RAB12: variants seen among roughly 807,000 people sequenced by gnomAD.
The protein encoded by RAB12 is ras-related protein Rab-12.
A neutral mutation model predicts 28.4 loss-of-function variants in RAB12; 11 were observed. That is an observed-to-expected ratio of 0.39 (90% CI 0.24 to 0.64). RAB12 has a LOEUF of 0.64. Ranked by LOEUF, RAB12 falls within the 30% of genes least tolerant of loss-of-function variation. The probability of loss-of-function intolerance (pLI) is 0.50; values close to 1 mark genes in which losing one functional copy is unlikely to be tolerated. For synonymous variants in RAB12, 138 were observed against 145.3 expected, an observed-to-expected ratio of 0.95 and a Z score of 0.36; for missense variants, 276 against 351.1, an observed-to-expected ratio of 0.79 and a Z score of 1.71.
intron 5 of RAB12, among the ~76,000 whole-genome samples, chr18:8,637,072 T>C (rs1489535436): frequency 6.6e-6 from 1 of 152,032 alleles, no homozygotes; most frequent in Non-Finnish European, 1.5e-5. Context: ...AAGACCAGAC[T>C]GGGCAACACA....
chr18:8,639,310 T>A lies in RAB12; in HGVS notation c.*1048T>A, dbSNP rs1453879101. 2 of 152,152 alleles carry A rather than the reference T, an allele frequency of 1.3e-5. No homozygotes were observed. The allele number at this position is 152,152 out of a possible 1,614,324, so 9.4% of individuals were successfully genotyped here. On this transcript the variant is annotated 3_prime_UTR_variant, in exon 6 of 6. Transcript: ENST00000649141. ...TTTGAATAACTTGGTGTGTCTTGAG[T>A]GTTGTGGTATGAAAAGCATTGTGGT...
chr18:8,621,319 A>T (rs11664847), intron 1 of RAB12, among the ~76,000 whole-genome samples: 8,638 of 152,332 alleles, frequency 0.057, 350 homozygotes, highest in South Asian at 0.11. Context: ...GACTTTTAAT[A>T]TAAGAAAGTT....
intron 1 of RAB12, among the ~76,000 whole-genome samples, chr18:8,621,420 T>C (rs1325793264): frequency 6.6e-6 from 1 of 152,224 alleles, no homozygotes; most frequent in Non-Finnish European, 1.5e-5. Context: ...GGCTACTTAA[T>C]GTCTGTTAGA....
intron 5 of RAB12, among the ~76,000 whole-genome samples, chr18:8,636,748 G>A (rs1340592516): frequency 6.6e-6 from 1 of 152,184 alleles, no homozygotes; most frequent in African/African-American, 2.4e-5. Flanking sequence ...GTGGTGCTGC[G>A]CTTGCATCCC....
chr18:8,621,029 CATCAACAGTGGTGGGGGCTCGTTGCT>C (rs2096009611), intron 1 of RAB12, among the ~76,000 whole-genome samples: 1 of 152,168 alleles, frequency 6.6e-6, no homozygotes, highest in South Asian at 2.1e-4. Flanking sequence ...GGACTGTCCC[CATCAACAGTGGTGGGGGCTCGTTGCT>C]TCCTCCCTTA....
intron 2 of RAB12, chr18:8,632,810 T>C: frequency 4.3e-6 from 1 of 232,400 alleles, no homozygotes. Context: ...GTTTGGAAAC[T>C]CTGTATTTTA....
chr18:8,618,975 A>C (rs1047903471), intron 1 of RAB12, among the ~76,000 whole-genome samples: 1 of 152,148 alleles, frequency 6.6e-6, no homozygotes, highest in African/African-American at 2.4e-5. Context: ...ATTTTCTCAC[A>C]ACTCACTGAA....
chr18:8,625,457 G>A (rs1294796684), intron 2 of RAB12, among the ~76,000 whole-genome samples: 6 of 152,184 alleles, frequency 3.9e-5, no homozygotes, highest in Middle Eastern at 3.2e-3. Context: ...GACTATTACT[G>A]CGGGTGGGCA....
intron 1 of RAB12, among the ~76,000 whole-genome samples, chr18:8,618,659 A>G (rs1017773998): frequency 1.3e-5 from 2 of 151,866 alleles, no homozygotes; most frequent in African/African-American, 2.4e-5. Context: ...ACAGGCACCC[A>G]CCACCACCAC....
intron 1 of RAB12, among the ~76,000 whole-genome samples, chr18:8,621,704 A>G (rs1049939143): frequency 6.6e-6 from 1 of 151,924 alleles, no homozygotes; most frequent in Non-Finnish European, 1.5e-5. Context: ...TGGTGTACAG[A>G]TGGTTTTGTC....
chr18:8,622,647 A>G (rs951556926), intron 1 of RAB12, among the ~76,000 whole-genome samples: 9 of 152,222 alleles, frequency 5.9e-5, no homozygotes. Context: ...TTCAGGCACC[A>G]TTGTCATTGA....
At position 8,638,344 on chromosome 18, in the gene RAB12, A is replaced by G. The variant is rs2096020169; in HGVS notation, c.*82A>G. ...ATTCTGCACTACAATCATTTTGACA[A>G]TTTCCTTTCGCACTTTGTAATCCAA... On this transcript the variant is annotated 3_prime_UTR_variant, in exon 6 of 6. Coordinates refer to ENST00000649141, the MANE Select transcript of RAB12 (RefSeq NM_001025300.3). The G allele has an allele frequency of 3.1e-6, 3 of 971,748 alleles. No homozygotes were observed. Among genetic ancestry groups the G allele is most frequent in the African/African-American group, 3.3e-5 (2 of 61,450 alleles). 60.2% of individuals were successfully genotyped at this position (971,748 alleles called of 1,614,324 possible). A position where few individuals can be genotyped will look rare whatever the true frequency, so the allele number is the denominator to read the frequency against.
At position 8,626,168 on chromosome 18, in the gene RAB12, T is replaced by C. The variant is rs79288482; in HGVS notation, c.575+1170T>C. The stretch of plus-strand genomic sequence containing the variant: ...TACTTGAATAAACAACAAATAGATA[T>C]TTCTTCCTGTGCTAGTCCCGCAGAC... On this transcript the variant is annotated intron_variant, in intron 2 of 5. Coordinates refer to ENST00000649141, the MANE Select transcript of RAB12 (RefSeq NM_001025300.3). 1.1e-3 allele frequency among the ~76,000 whole-genome samples: 175 copies of C among 152,396 alleles called. No individual in the cohort carries two copies. In the East Asian group the frequency reaches 0.02, roughly 18 times the overall value.
intron 1 of RAB12, among the ~76,000 whole-genome samples, chr18:8,617,957 A>G (rs886905784): frequency 6.6e-6 from 1 of 152,264 alleles, no homozygotes; most frequent in African/African-American, 2.4e-5. Flanking sequence ...TCTGAAATAT[A>G]GCAAACACCA....
Position 8,633,304 on chromosome 18 carries a change from A to C in RAB12, c.691A>C (p.Lys231Gln), listed in dbSNP as rs1397524609. The change falls in exon 3 of 6, where the codon AAA becomes CAA. Residue 231 changes from lysine to glutamine, a missense_variant. Around this residue, in one of 4 missense-constraint regions of RAB12, gnomAD observed 127 missense variants for 161.4 expected, o/e 0.79. Coordinates refer to ENST00000649141, the MANE Select transcript of RAB12 (RefSeq NM_001025300.3). ...TKKETFDDLP[K>Q]WMKMIDKYAS... ...GAAGGAGACATTTGATGATTTGCCG[A>C]AATGGATGAAGATGATTGATAAGGT... 1.9e-6 allele frequency: 3 copies of C among 1,614,128 alleles called. No homozygotes were observed.
chr18:8,631,905 AT>A (rs201708407), intron 2 of RAB12, among the ~76,000 whole-genome samples: 169 of 152,302 alleles, frequency 1.1e-3, no homozygotes, highest in African/African-American at 3.7e-3. Context: ...TGAAAAAAAA[AT>A]TAAAAGTTTT....
At chr18:8,631,154 T>C (rs944906469) in intron 2 of RAB12, among the ~76,000 whole-genome samples, 5 of 152,256 alleles carry the variant, frequency 3.3e-5, no homozygotes, top group Non-Finnish European at 7.3e-5. Flanking sequence ...CTTCACAAAT[T>C]GCTGGGATTA....
Position 8,609,799 on chromosome 18 carries a change from G to C in RAB12, c.360G>C (p.Leu120=). ...GTCTGGGCGCGGGCTCCCCGGCGCT[G>C]TCGGGCGGCCAGGGCCGCCGGAGGA... is the stretch of plus-strand genomic sequence containing the variant. The part of the protein sequence containing the change: ...GGGLGAGSPA[L]SGGQGRRRKQ... Residue 120 remains leucine, a synonymous_variant, in exon 1 of 6, where the codon CTG becomes CTC. Transcript: ENST00000649141. 7.0e-7 allele frequency: 1 copy of C among 1,423,100 alleles called. No homozygotes were observed. The highest frequency in any genetic ancestry group is 9.2e-7 in the Non-Finnish European group (1 of 1,089,096). 88.2% of individuals were successfully genotyped at this position (1,423,100 alleles called of 1,614,324 possible).
chr18:8,610,263 A>G (rs1332626333), intron 1 of RAB12, among the ~76,000 whole-genome samples: 2 of 152,140 alleles, frequency 1.3e-5, no homozygotes, highest in African/African-American at 2.4e-5. Context: ...CCCAAGAAAA[A>G]GCTGGGTTCG....
Sources: allele counts gnomAD v4.1 joint callset (sites outside exome capture counted in the v4.1 genomes callset), GRCh38; gene constraint gnomAD v4.1.1; regional missense constraint gnomAD v4.1.1; transcripts MANE v1.5; gene names NCBI Gene and HGNC (gene_info 2026-07-23, HGNC 2026-07-21).